Variants in PDE4D observed in about 807,000 individuals in gnomAD.
PDE4D encodes phosphodiesterase 4D.
PDE4D carries 24 observed loss-of-function variants against 87.4 expected under a neutral mutation model. That is an observed-to-expected ratio of 0.27 (90% CI 0.20 to 0.39). The LOEUF (loss-of-function observed/expected upper bound fraction) is 0.39, where lower values mean the gene tolerates loss of function less well. PDE4D is among the 10% of genes least tolerant of loss of function. The probability of loss-of-function intolerance (pLI) is 1.00; values close to 1 mark genes in which losing one functional copy is unlikely to be tolerated. For missense variants in PDE4D, 714 were observed against 1,041.0 expected, an observed-to-expected ratio of 0.69 and a Z score of 4.32; for synonymous variants, 384 against 383.2, an observed-to-expected ratio of 1.00 and a Z score of -0.02.
At chr5:59,478,366 T>C (rs1345347700) in intron 1 of PDE4D, among the ~76,000 whole-genome samples, 1 of 152,080 alleles carries the variant, frequency 6.6e-6, no homozygotes, top group Non-Finnish European at 1.5e-5. Flanking sequence ...ATAACAACAT[T>C]ACTTTTTTCA....
intron 2 of PDE4D, among the ~76,000 whole-genome samples, chr5:60,067,546 T>A (rs1772238646): frequency 6.6e-6 from 1 of 152,160 alleles, no homozygotes; most frequent in African/African-American, 2.4e-5. Context: ...CTTTTTATTT[T>A]AAAAAATTGT....
intron 7 of PDE4D, 31 bp downstream of exon 7, chr5:58,993,341 A>C: frequency 7.4e-7 from 1 of 1,347,324 alleles, no homozygotes; most frequent in Admixed American, 2.3e-5. Context: ...CAACTGAAGA[A>C]AAAAATTTAA....
intron 3 of PDE4D, among the ~76,000 whole-genome samples, chr5:59,919,210 T>C (rs1754405260): frequency 6.6e-6 from 1 of 152,202 alleles, no homozygotes; most frequent in African/African-American, 2.4e-5. Flanking sequence ...TCAAGTCTCC[T>C]TAGTTTATAT....
At chr5:59,575,838 T>C (rs1046362424) in intron 1 of PDE4D, among the ~76,000 whole-genome samples, 3 of 152,084 alleles carry the variant, frequency 2.0e-5, no homozygotes, top group Admixed American at 2.0e-4. Flanking sequence ...ATCCATCCTG[T>C]ATAAGGTAGG....
intron 6 of PDE4D, among the ~76,000 whole-genome samples, chr5:59,035,526 C>T (rs1758354538): frequency 6.6e-6 from 1 of 152,122 alleles, no homozygotes; most frequent in Admixed American, 6.5e-5. Context: ...GAAGTTTGAC[C>T]TAAAACCCAA....
intron 1 of PDE4D, among the ~76,000 whole-genome samples, chr5:60,338,080 G>A (rs1475548406): frequency 2.0e-5 from 3 of 152,054 alleles, no homozygotes; most frequent in Admixed American, 6.6e-5. Flanking sequence ...GAGTTATATA[G>A]GTAGATAAAG....
chr5:59,293,222 T>TA (rs1006618745), intron 1 of PDE4D, among the ~76,000 whole-genome samples: 1 of 152,106 alleles, frequency 6.6e-6, no homozygotes, highest in Non-Finnish European at 1.5e-5. Flanking sequence ...ATGGCTTTCT[T>TA]AAAAAATACA....
chr5:60,236,078 CCTCA>C (rs1422391838), intron 1 of PDE4D, among the ~76,000 whole-genome samples: 1 of 151,730 alleles, frequency 6.6e-6, no homozygotes, highest in Non-Finnish European at 1.5e-5. Flanking sequence ...TCAACTTGCA[CCTCA>C]CTATTTATAC....
chr5:60,471,964 A>T (rs1747848234), intron 1 of PDE4D, among the ~76,000 whole-genome samples: 6 of 152,100 alleles, frequency 3.9e-5, no homozygotes, highest in Admixed American at 3.9e-4. Flanking sequence ...GCCCGGGGAT[A>T]GTCTGGTAGG....
intron 1 of PDE4D, among the ~76,000 whole-genome samples, chr5:59,561,491 C>T (rs1035101369): frequency 6.6e-6 from 1 of 152,190 alleles, no homozygotes; most frequent in African/African-American, 2.4e-5. Context: ...TGGTAATTAA[C>T]AGCGTTTTGC....
intron 5 of PDE4D, among the ~76,000 whole-genome samples, chr5:59,164,127 A>AT (rs756572614): frequency 6.6e-6 from 1 of 152,240 alleles, no homozygotes; most frequent in Non-Finnish European, 1.5e-5. Context: ...TGTGACTAAG[A>AT]TTGTGTGCAC....
chr5:59,058,689 G>T (rs1762693979), intron 5 of PDE4D, among the ~76,000 whole-genome samples: 1 of 151,854 alleles, frequency 6.6e-6, no homozygotes, highest in South Asian at 2.1e-4. Context: ...CACTATGGAG[G>T]CAGCTCTCTC....
chr5:59,787,405 A>C (rs1331156907), intron 1 of PDE4D, among the ~76,000 whole-genome samples: 1 of 152,142 alleles, frequency 6.6e-6, no homozygotes, highest in Non-Finnish European at 1.5e-5. Context: ...ATTCAATGTC[A>C]CTTGCTTTGG....
chr5:59,432,356 A>G (rs569312404), intron 1 of PDE4D, among the ~76,000 whole-genome samples: 15 of 152,258 alleles, frequency 9.9e-5, no homozygotes, highest in Admixed American at 2.6e-4. Context: ...ATTCCATGGC[A>G]TAAATGTACC....
intron 1 of PDE4D, among the ~76,000 whole-genome samples, chr5:59,639,966 C>A (rs569579626): frequency 2.7e-5 from 4 of 150,706 alleles, no homozygotes; most frequent in African/African-American, 9.8e-5. Context: ...AATGCCCCAA[C>A]CTTAAAGAAG....
intron 1 of PDE4D, among the ~76,000 whole-genome samples, chr5:60,311,686 A>T (rs1755054407): frequency 6.6e-6 from 1 of 152,218 alleles, no homozygotes; most frequent in African/African-American, 2.4e-5. Flanking sequence ...AGCTAACAAC[A>T]TGATGACAGA....
chr5:60,144,480 A>G (rs917860107), intron 2 of PDE4D, among the ~76,000 whole-genome samples: 1 of 152,230 alleles, frequency 6.6e-6, no homozygotes, highest in African/African-American at 2.4e-5. Context: ...CATGGGGAAT[A>G]TTTAGAGTGC....
intron 2 of PDE4D, among the ~76,000 whole-genome samples, chr5:60,047,429 T>C (rs915768788): frequency 6.6e-6 from 1 of 152,218 alleles, no homozygotes; most frequent in African/African-American, 2.4e-5. Context: ...GTGTTTGCTC[T>C]TGCTTTTCTA....
At chr5:59,744,354 C>T (rs185723323) in intron 1 of PDE4D, among the ~76,000 whole-genome samples, 3 of 152,266 alleles carry the variant, frequency 2.0e-5, no homozygotes, top group Admixed American at 2.0e-4. Context: ...GAAGACACAT[C>T]ATGGCAGAAT....
Sources: allele counts gnomAD v4.1 joint callset (sites outside exome capture counted in the v4.1 genomes callset), GRCh38; gene constraint gnomAD v4.1.1; transcripts MANE v1.5; gene names NCBI Gene and HGNC (gene_info 2026-07-23, HGNC 2026-07-21).